CCDC102B: variants seen among roughly 807,000 people sequenced by gnomAD.
CCDC102B encodes the protein coiled-coil domain-containing protein 102B.
In CCDC102B, 75 loss-of-function variants were observed where a neutral mutation model predicts 57.4. The observed-to-expected ratio is 1.31, with a 90% CI of 1.08 to 1.58. CCDC102B has a LOEUF of 1.58. CCDC102B is among the 40% of genes most tolerant of loss of function. The pLI is 0.00. For synonymous variants in CCDC102B, 206 were observed against 201.9 expected (o/e 1.02, Z -0.17); for missense variants, 636 against 582.6 (o/e 1.09, Z -0.94).
chr18:68,741,703 AC>A, intron 2 of CCDC102B, among the ~76,000 whole-genome samples: 1 of 116,158 alleles, frequency 8.6e-6, no homozygotes, highest in African/African-American at 3.9e-5. Context: ...ACACACACAC[AC>A]ACACACACAC....
intron 6 of CCDC102B, among the ~76,000 whole-genome samples, chr18:68,902,886 G>A (rs2040501976): frequency 6.6e-6 from 1 of 152,168 alleles, no homozygotes; most frequent in Non-Finnish European, 1.5e-5. Context: ...GTGACTAGGA[G>A]ATGGATGAAG....
chr18:68,745,640 A>G (rs2033590142), intron 2 of CCDC102B, among the ~76,000 whole-genome samples: 1 of 152,080 alleles, frequency 6.6e-6, no homozygotes, highest in South Asian at 2.1e-4. Flanking sequence ...AGAAATTCTC[A>G]TTAACTATAA....
chr18:68,935,140 G>A (rs933173295), intron 6 of CCDC102B, among the ~76,000 whole-genome samples: 1 of 151,958 alleles, frequency 6.6e-6, no homozygotes, highest in Admixed American at 6.6e-5. Context: ...GAATGAGCTA[G>A]CCATGGTCAT....
intron 7 of CCDC102B, among the ~76,000 whole-genome samples, chr18:69,039,502 G>A (rs532561258): frequency 3.3e-5 from 5 of 151,650 alleles, no homozygotes; most frequent in African/African-American, 1.2e-4. Context: ...TATCACTGTT[G>A]GTACCATGAG....
intron 5 of CCDC102B, among the ~76,000 whole-genome samples, chr18:68,894,627 G>A (rs114046707): frequency 0.012 from 1,813 of 151,228 alleles, 47 homozygotes; most frequent in African/African-American, 0.042. Flanking sequence ...TATGATTCTT[G>A]GAAAAGAATG....
At chr18:69,007,639 A>G (rs952640761) in intron 6 of CCDC102B, among the ~76,000 whole-genome samples, 3 of 152,228 alleles carry the variant, frequency 2.0e-5, no homozygotes, top group Admixed American at 2.0e-4. Context: ...TTTCAGATTC[A>G]GTAGGTCTTG....
intron 6 of CCDC102B, among the ~76,000 whole-genome samples, chr18:68,938,185 C>G (rs2049294074): frequency 6.6e-6 from 1 of 151,942 alleles, no homozygotes; most frequent in Non-Finnish European, 1.5e-5. Context: ...AACCTTTCTG[C>G]CAACTAAATA....
intron 2 of CCDC102B, among the ~76,000 whole-genome samples, chr18:68,786,146 T>C (rs12968305): frequency 0.051 from 7,311 of 144,660 alleles, 313 homozygotes; most frequent in African/African-American, 0.13. Flanking sequence ...TGTAGATATG[T>C]GGCATTATTT....
intron 2 of CCDC102B, among the ~76,000 whole-genome samples, chr18:68,738,163 G>A (rs904743787): frequency 2.0e-5 from 3 of 151,536 alleles, no homozygotes; most frequent in Non-Finnish European, 4.4e-5. Context: ...GTGGGAGGAG[G>A]TAGGACCGGG....
intron 7 of CCDC102B, among the ~76,000 whole-genome samples, chr18:69,013,547 G>C (rs1299492292): frequency 6.6e-6 from 1 of 152,098 alleles, no homozygotes; most frequent in South Asian, 2.1e-4. Context: ...AAATACCTTT[G>C]TAAAATAAAA....
At chr18:68,878,589 C>T (rs929116939) in intron 5 of CCDC102B, among the ~76,000 whole-genome samples, 4 of 152,116 alleles carry the variant, frequency 2.6e-5, no homozygotes, top group African/African-American at 4.8e-5. Flanking sequence ...AGTTAGCTCA[C>T]GCCTCTACCA....
intron 4 of CCDC102B, among the ~76,000 whole-genome samples, chr18:68,867,789 T>C (rs74463922): frequency 6.6e-6 from 1 of 151,296 alleles, no homozygotes; most frequent in African/African-American, 2.4e-5. Context: ...AAAAAATTAG[T>C]CAGGAGTGGT....
chr18:68,876,317 A>G (rs968811163), intron 5 of CCDC102B, among the ~76,000 whole-genome samples: 3 of 152,192 alleles, frequency 2.0e-5, no homozygotes, highest in African/African-American at 7.2e-5. Flanking sequence ...TGAGGGGTAC[A>G]GTATTCACCA....
chr18:68,751,008 C>G (rs1351560017), intron 2 of CCDC102B, among the ~76,000 whole-genome samples: 1 of 151,740 alleles, frequency 6.6e-6, no homozygotes, highest in Non-Finnish European at 1.5e-5. Context: ...TCAGTAGTCA[C>G]ATGGTGCAGC....
intron 2 of CCDC102B, among the ~76,000 whole-genome samples, chr18:68,732,297 C>G (rs1231093361): frequency 2.0e-5 from 3 of 150,232 alleles, no homozygotes; most frequent in Admixed American, 6.6e-5. Flanking sequence ...AGCTTGAAGT[C>G]TTATTCCTTG....
At chr18:68,726,752 A>G (rs2032613673) in intron 2 of CCDC102B, among the ~76,000 whole-genome samples, 1 of 152,164 alleles carries the variant, frequency 6.6e-6, no homozygotes, top group Non-Finnish European at 1.5e-5. Flanking sequence ...TAGATGCAAT[A>G]CAGTGTCCTA....
At chr18:69,037,061 A>C (rs886450719) in intron 7 of CCDC102B, among the ~76,000 whole-genome samples, 62 of 152,148 alleles carry the variant, frequency 4.1e-4, no homozygotes, top group African/African-American at 1.4e-3. Flanking sequence ...ACATACATAC[A>C]TATATACACG....
chr18:68,897,406 T>C lies in CCDC102B; in HGVS notation c.1241T>C (p.Ile414Thr). The change falls in exon 6 of 8, where the codon ATT becomes ACT. Residue 414 changes from isoleucine to threonine, a missense_variant. Transcript: ENST00000360242. ...SQSPDFKMSQ[I>T]DLQEKNQELL... is the part of the protein sequence containing the mutation. ...AGTCCTGATTTCAAGATGTCACAAA[T>C]TGATCTGCAAGAAAAAAACCAGGTA... The C allele has an allele frequency of 1.9e-6, 3 of 1,611,236 alleles. No individual in the cohort carries two copies. Among genetic ancestry groups the C allele is most frequent in the African/African-American group, 2.7e-5 (2 of 74,736 alleles).
rs201478600 is a variant in CCDC102B at position 69,026,476 on chromosome 18, ACC to A, written c.1434+15375_1434+15376del. 4.6e-4 allele frequency among the ~76,000 whole-genome samples: 68 copies of A among 148,554 alleles called. 1 individual carries two copies. Among genetic ancestry groups the A allele is most frequent in the African/African-American group, 1.6e-3 (65 of 40,244 alleles). On this transcript the variant is annotated intron_variant, in intron 7 of 7. Transcript: ENST00000360242. ...CTGTCTCAAAAAAAAAAAAAAAAAAACCCCAGAGAAATCCAGTGTCAAAGCTG... is the reference window on the plus strand; with the variant it reads ...CTGTCTCAAAAAAAAAAAAAAAAAAACCAGAGAAATCCAGTGTCAAAGCTG...
Sources: allele counts gnomAD v4.1 joint callset (sites outside exome capture counted in the v4.1 genomes callset), GRCh38; gene constraint gnomAD v4.1.1; transcripts MANE v1.5; gene names NCBI Gene and HGNC (gene_info 2026-07-23, HGNC 2026-07-21).